LOC128706665: variants seen among roughly 807,000 people sequenced by gnomAD.
the LOC128706665 span, among the ~76,000 whole-genome samples, chr20:10,430,560 C>T: frequency 6.6e-6 from 1 of 152,110 alleles, no homozygotes; most frequent in African/African-American, 2.4e-5. Context: ...GAAGTGGTCC[C>T]CATAAAGGAA....
chr20:10,433,673 C>G, the LOC128706665 span, among the ~76,000 whole-genome samples: 1 of 152,168 alleles, frequency 6.6e-6, no homozygotes, highest in Non-Finnish European at 1.5e-5. Flanking sequence ...TGCACAACGT[C>G]TCTAACGCCG....
chr20:10,415,490 C>T, the LOC128706665 span, among the ~76,000 whole-genome samples: 2 of 152,126 alleles, frequency 1.3e-5, no homozygotes, highest in Non-Finnish European at 2.9e-5. Context: ...TGATGGTCAG[C>T]TTTCTTCCTG....
the LOC128706665 span, among the ~76,000 whole-genome samples, chr20:10,430,189 A>T: frequency 6.6e-6 from 1 of 152,232 alleles, no homozygotes; most frequent in African/African-American, 2.4e-5. Flanking sequence ...AGTTTTCAGA[A>T]AGTCAAGCAC....
At chr20:10,414,368 C>A in the LOC128706665 span, among the ~76,000 whole-genome samples, 2 of 150,900 alleles carry the variant, frequency 1.3e-5, no homozygotes, top group Non-Finnish European at 2.9e-5. Flanking sequence ...TGGGTTCAAG[C>A]AATTCTCCTG....
the LOC128706665 span, among the ~76,000 whole-genome samples, chr20:10,418,807 C>T: frequency 6.6e-6 from 1 of 152,058 alleles, no homozygotes; most frequent in Non-Finnish European, 1.5e-5. Context: ...AATATACATA[C>T]ATAATATAAT....
At chr20:10,414,080 C>T in the LOC128706665 span, 1 of 366,918 alleles carries the variant, frequency 2.7e-6, no homozygotes, top group African/African-American at 2.1e-5. Context: ...GAAAGGTAGA[C>T]CAACTTTGAC....
At chr20:10,428,269 T>C in the LOC128706665 span, among the ~76,000 whole-genome samples, 2 of 152,202 alleles carry the variant, frequency 1.3e-5, no homozygotes, top group African/African-American at 2.4e-5. Flanking sequence ...TGGTGATTGG[T>C]GGAGGAGAGG....
the LOC128706665 span, among the ~76,000 whole-genome samples, chr20:10,418,679 A>G: frequency 3.3e-5 from 5 of 152,112 alleles, no homozygotes; most frequent in Non-Finnish European, 7.4e-5. Flanking sequence ...TTTTCCTCCA[A>G]GAGTATTTCT....
the LOC128706665 span, among the ~76,000 whole-genome samples, chr20:10,415,954 C>A: frequency 6.6e-6 from 1 of 151,806 alleles, no homozygotes; most frequent in Non-Finnish European, 1.5e-5. Flanking sequence ...AGGTCTAGAC[C>A]TGAACAAAAG....
chr20:10,416,255 A>G, the LOC128706665 span, among the ~76,000 whole-genome samples: 25 of 152,214 alleles, frequency 1.6e-4, no homozygotes, highest in African/African-American at 6.0e-4. Context: ...TGATTTAAAG[A>G]AAATACAAAC....
the LOC128706665 span, among the ~76,000 whole-genome samples, chr20:10,416,506 T>C: frequency 0.34 from 51,351 of 151,492 alleles, 10,278 homozygotes; most frequent in Non-Finnish European, 0.45. Context: ...CAGCAACAGA[T>C]TAATATAACT....
the LOC128706665 span, among the ~76,000 whole-genome samples, chr20:10,414,338 TCAC>T: frequency 2.6e-5 from 4 of 150,974 alleles, no homozygotes; most frequent in African/African-American, 7.3e-5. Flanking sequence ...TGATCTTGGC[TCAC>T]CACAACCTCA....
the LOC128706665 span, among the ~76,000 whole-genome samples, chr20:10,419,920 A>G: frequency 6.6e-6 from 1 of 152,234 alleles, no homozygotes; most frequent in Admixed American, 6.5e-5. Context: ...CAGAAAGCCA[A>G]ACTGCGGATA....
the LOC128706665 span, among the ~76,000 whole-genome samples, chr20:10,422,737 A>G: frequency 4.0e-5 from 6 of 148,964 alleles, no homozygotes; most frequent in African/African-American, 1.5e-4. Context: ...TGTGAGACAG[A>G]GTCTTGCTCT....
the LOC128706665 span, among the ~76,000 whole-genome samples, chr20:10,429,758 C>G: frequency 1.3e-5 from 2 of 152,132 alleles, no homozygotes; most frequent in African/African-American, 4.8e-5. Flanking sequence ...CAGACCCTCG[C>G]GCCCTCACAT....
the LOC128706665 span, chr20:10,413,778 A>G: frequency 3.4e-6 from 2 of 585,510 alleles, no homozygotes; most frequent in Non-Finnish European, 6.0e-6. Flanking sequence ...CTGAAATTTT[A>G]CAGACTGCTT....
At chr20:10,431,064 A>G in the LOC128706665 span, among the ~76,000 whole-genome samples, 1 of 152,192 alleles carries the variant, frequency 6.6e-6, no homozygotes, top group South Asian at 2.1e-4. Context: ...AGAACTATAT[A>G]CATTCATAGC....
the LOC128706665 span, among the ~76,000 whole-genome samples, chr20:10,432,354 G>A: frequency 4.6e-5 from 7 of 152,208 alleles, no homozygotes; most frequent in African/African-American, 1.4e-4. Flanking sequence ...TCTCCTCAGA[G>A]TCTGATTCTC....
chr20:10,433,800 G>A, the LOC128706665 span, among the ~76,000 whole-genome samples: 1 of 152,158 alleles, frequency 6.6e-6, no homozygotes, highest in African/African-American at 2.4e-5. Context: ...CAGGTTCGGC[G>A]TAGAAGGCGG....
Sources: allele counts gnomAD v4.1 joint callset (sites outside exome capture counted in the v4.1 genomes callset), GRCh38; gene constraint gnomAD v4.1.1; transcripts MANE v1.5.